The following ZNF577 variants were observed in gnomAD, a reference collection of about 807,000 sequenced individuals.
The protein encoded by ZNF577 is zinc finger protein 577.
In ZNF577, 14 loss-of-function variants were observed where a neutral mutation model predicts 13.9. The ratio of observed to expected loss-of-function variants is 1.00; its 90% CI spans 0.66 to 1.57. The LOEUF is 1.57. Ranked by LOEUF, ZNF577 falls within the 40% of genes most tolerant of loss-of-function variation. The probability of loss-of-function intolerance (pLI) is 0.00; values close to 1 mark genes in which losing one functional copy is unlikely to be tolerated. For missense variants in ZNF577, 555 were observed against 579.2 expected, an observed-to-expected ratio of 0.96 and a Z score of 0.43; for synonymous variants, 203 against 202.9, an observed-to-expected ratio of 1.00 and a Z score of 0.00.
chr19:51,881,457 T>A (rs556211525), intron 1 of ZNF577, among the ~76,000 whole-genome samples: 1 of 152,364 alleles, frequency 6.6e-6, no homozygotes, highest in South Asian at 2.1e-4. Flanking sequence ...AAACCCTCGA[T>A]ACTACTTTAT....
At chr19:51,854,997 G>GAACATAGTT (rs1373392900) in intron 5 of ZNF577, among the ~76,000 whole-genome samples, 1 of 152,046 alleles carries the variant, frequency 6.6e-6, no homozygotes, top group African/African-American at 2.4e-5. Context: ...TCAGTTCCTT[G>GAACATAGTT]AACATAGTTA....
chr19:51,829,492 T>G (rs940918641), intron 9 of ZNF577, among the ~76,000 whole-genome samples: 1 of 152,148 alleles, frequency 6.6e-6, no homozygotes, highest in African/African-American at 2.4e-5. Context: ...TTCAGCTGCC[T>G]TCAGCCAAAT....
At chr19:51,849,256 C>T (rs2084368700) in intron 5 of ZNF577, among the ~76,000 whole-genome samples, 2 of 152,118 alleles carry the variant, frequency 1.3e-5, no homozygotes, top group African/African-American at 4.8e-5. Flanking sequence ...TATAACACTT[C>T]CTTTTTCTAT....
chr19:51,873,622 C>T lies in ZNF577; in HGVS notation c.368G>A (p.Arg123His), dbSNP rs752209036. 153 of 1,614,058 alleles carry T rather than the reference C, an allele frequency of 9.5e-5. No individual in the cohort carries two copies. Among genetic ancestry groups the T allele is most frequent in the Non-Finnish European group, 1.2e-4 (141 of 1,180,046 alleles). Reference protein sequence around the residue: ...GYGRSCLHIKRDKTLTGVKYH... With the variant: ...GYGRSCLHIKHDKTLTGVKYH... ...TTTAACTCCAGTAAGAGTTTTGTCA[C>T]GCTTGATATGGAGGCATGATCTCCC... Residue 123 changes from arginine (R) to histidine (H), a missense_variant, in exon 6 of 6, where the codon CGT (arginine) becomes CAT (histidine). Arg to His is a conservative substitution (Grantham distance 29, BLOSUM62 0). Transcript: ENST00000638348.
intron 5 of ZNF577, among the ~76,000 whole-genome samples, chr19:51,876,373 C>A (rs7247536): frequency 0.11 from 17,415 of 151,770 alleles, 1,978 homozygotes; most frequent in African/African-American, 0.28. Flanking sequence ...AGACATGCTA[C>A]TTTGCGAGTC....
chr19:51,805,655 C>T lies in ZNF577; in HGVS notation c.*818-401G>A, dbSNP rs1171643822. On this transcript the variant is annotated intron_variant and NMD_transcript_variant, in intron 10 of 10. Coordinates refer to the ZNF577 transcript ENST00000638827. ...TCAACATTGCCACTTCAGTTTGTAA[C>T]TCAGTGTTAATTTTATTCTGAAGTA... 3.3e-5 allele frequency among the ~76,000 whole-genome samples: 5 copies of T among 152,204 alleles called. No individual in the cohort carries two copies. In the East Asian group the frequency reaches 9.6e-4, roughly 29 times the overall value.
rs1357179090 is a variant in ZNF577, at chr19:51,871,966, G to C, written c.*566C>G. The C allele has an allele frequency of 6.6e-6, 1 of 152,268 alleles. No individual in the cohort carries two copies. The highest frequency in any genetic ancestry group is 1.5e-5 in the Non-Finnish European group (1 of 68,168). The allele number at this position is 152,268 out of a possible 1,614,324, so 9.4% of individuals were successfully genotyped here. A position where few individuals can be genotyped will look rare whatever the true frequency, so the allele number is the denominator to read the frequency against. On this transcript the variant is annotated 3_prime_UTR_variant, in exon 6 of 6. Transcript: ENST00000638348. ...GTTTTAAGCCATTAAATTTGTGTTA[G>C]TTTGGTGCAACACTCATAAAAAACT...
At chr19:51,835,393 T>C (rs2084282776) in intron 9 of ZNF577, among the ~76,000 whole-genome samples, 1 of 149,180 alleles carries the variant, frequency 6.7e-6, no homozygotes, top group African/African-American at 2.5e-5. Context: ...AGAAATTGAA[T>C]TTCTAATCAA....
At position 51,853,029 on chromosome 19, in the gene ZNF577, C is replaced by T. The variant is rs549676506; in HGVS notation, c.284-8098G>A. ...TCACTGCAACCTCCGCCTCTGCCTTCGGGCTCAAGCAATTCTCCCGCCTCA... is the reference window on the plus strand; with the variant it reads ...TCACTGCAACCTCCGCCTCTGCCTTTGGGCTCAAGCAATTCTCCCGCCTCA... On this transcript the variant is annotated intron_variant and NMD_transcript_variant, in intron 5 of 10. Transcript: ENST00000638827. Among the ~76,000 whole-genome samples the T allele has an allele frequency of 7.3e-5, 11 of 151,528 alleles. No homozygotes were observed. The East Asian group carries it at 1.6e-3, about 21-fold the overall frequency.
At position 51,826,023 on chromosome 19, in the gene ZNF577, T is replaced by A. The variant is rs142943688; in HGVS notation, c.*599+13870A>T. The A allele has an allele frequency of 6.0e-5, 10 of 166,066 alleles. No individual in the cohort carries two copies. In the East Asian group the frequency reaches 1.7e-3, roughly 29 times the overall value. 10.3% of individuals were successfully genotyped at this position (166,066 alleles called of 1,614,324 possible). A position where few individuals can be genotyped will look rare whatever the true frequency, so the allele number is the denominator to read the frequency against. Reference sequence around the variant, plus strand: ...ATTCTTATTTGTTAAGAGTTTTCTTTTATTGTTTAAATCATGAATGAATGT... The same window carrying A: ...ATTCTTATTTGTTAAGAGTTTTCTTATATTGTTTAAATCATGAATGAATGT... On this transcript the variant is annotated intron_variant and NMD_transcript_variant, in intron 9 of 10. Coordinates refer to the ZNF577 transcript ENST00000638827.
rs1276936272 is a variant in ZNF577 at position 51,868,595 on chromosome 19, A to C, written c.*3937T>G. 1.3e-5 allele frequency among the ~76,000 whole-genome samples: 2 copies of C among 152,132 alleles called. No homozygotes were observed. The highest frequency in any genetic ancestry group is 1.3e-4 in the Admixed American group (2 of 15,280). On this transcript the variant is annotated 3_prime_UTR_variant, in exon 6 of 6. Transcript: ENST00000638348. Reference sequence around the variant, plus strand: ...AGATGAGCTCAGAATTAATATGCCCAAGGCCAATTCCCTCATAATGTTGCC... The same window carrying C: ...AGATGAGCTCAGAATTAATATGCCCCAGGCCAATTCCCTCATAATGTTGCC...
intron 9 of ZNF577, among the ~76,000 whole-genome samples, chr19:51,821,639 G>A (rs1323171930): frequency 6.6e-6 from 1 of 152,154 alleles, no homozygotes; most frequent in Non-Finnish European, 1.5e-5. Context: ...CATGATACTA[G>A]GGTATGACCA....
Position 51,887,126 on chromosome 19 carries a change from A to C in ZNF577, c.-524T>G, listed in dbSNP as rs2084958698. 1 of 152,258 alleles carries C rather than the reference A, an allele frequency of 6.6e-6. No individual in the cohort carries two copies. Among genetic ancestry groups the C allele is most frequent in the South Asian group, 2.1e-4 (1 of 4,834 alleles). 9.4% of individuals were successfully genotyped at this position (152,258 alleles called of 1,614,324 possible). ...GAAATAAGCATAACCAGAAATGTCCAAGATACGTATGGAAAAACACTACAG... is the reference window on the plus strand; with the variant it reads ...GAAATAAGCATAACCAGAAATGTCCCAGATACGTATGGAAAAACACTACAG... On this transcript the variant is annotated 5_prime_UTR_variant, in exon 1 of 6. Transcript: ENST00000638348.
At chr19:51,806,845 T>C (rs2084062238) in intron 10 of ZNF577, among the ~76,000 whole-genome samples, 1 of 152,268 alleles carries the variant, frequency 6.6e-6, no homozygotes, top group African/African-American at 2.4e-5. Flanking sequence ...CTTTTAACTG[T>C]AGCAGTTTCT....
intron 5 of ZNF577, 152 bp downstream of exon 5, chr19:51,877,130 G>T: frequency 1.7e-6 from 1 of 598,478 alleles, no homozygotes; most frequent in Non-Finnish European, 3.0e-6. Context: ...CTCTATTAGG[G>T]ATGGACACAG....
At chr19:51,849,434 TCTA>T (rs2084369374) in intron 5 of ZNF577, among the ~76,000 whole-genome samples, 1 of 152,150 alleles carries the variant, frequency 6.6e-6, no homozygotes, top group Non-Finnish European at 1.5e-5. Context: ...TCATGAGAAT[TCTA>T]CTTTCATACC....
intron 9 of ZNF577, among the ~76,000 whole-genome samples, chr19:51,835,588 A>C (rs150587670): frequency 7.1e-4 from 108 of 152,336 alleles, no homozygotes; most frequent in African/African-American, 2.5e-3. Context: ...TTGAAGAATA[A>C]AGTGATTTTT....
intron 5 of ZNF577, among the ~76,000 whole-genome samples, chr19:51,850,665 A>G (rs898865100): frequency 6.6e-6 from 1 of 152,248 alleles, no homozygotes; most frequent in Non-Finnish European, 1.5e-5. Flanking sequence ...AGTTGGTGTC[A>G]GAAATGAGAG....
chr19:51,860,886 T>G lies in ZNF577; in HGVS notation c.284-15955A>C, dbSNP rs1490345272. The G allele has an allele frequency of 1.0e-5, 4 of 395,206 alleles. No individual in the cohort carries two copies. In the Admixed American group the frequency reaches 1.5e-4, roughly 15 times the overall value. 24.5% of individuals were successfully genotyped at this position (395,206 alleles called of 1,614,324 possible). ...CAAGATATTCAAAGAGTTTTGACTT[T>G]CAGATTTTAATTTTTACCTGCAATG... On this transcript the variant is annotated intron_variant and NMD_transcript_variant, in intron 5 of 10. Transcript: ENST00000638827.
Sources: gnomAD v4.1 joint callset for allele counts (sites outside exome capture counted in the v4.1 genomes callset) on GRCh38, gnomAD v4.1.1 for gene constraint, MANE v1.5 for transcripts, NCBI Gene and HGNC (gene_info 2026-07-23, HGNC 2026-07-21) for gene names.